Variants in MKI67 observed in about 807,000 individuals in gnomAD.
The protein encoded by MKI67 is marker of proliferation Ki-67.
Under a neutral mutation model 233.5 loss-of-function variants are expected in MKI67, and 152 were observed. The observed-to-expected ratio is 0.65, with a 90% confidence interval of 0.57 to 0.74. The LOEUF is 0.74. Among genes scored for constraint, MKI67 ranks in the 30% least tolerant of loss-of-function variants. MKI67 has a pLI of 0.00. For missense variants in MKI67, 3,940 were observed against 3,885.2 expected (o/e 1.01, Z -0.37); for synonymous variants, 1,465 against 1,418.5 (o/e 1.03, Z -0.74).
intron 8 of MKI67, 117 bp from the exon 9 acceptor site, chr10:128,112,562 G>C: frequency 4.1e-6 from 4 of 986,408 alleles, no homozygotes; most frequent in Non-Finnish European, 6.1e-6. Flanking sequence ...AGCATCAAAT[G>C]CTTAAGCCAC....
intron 8 of MKI67, among the ~76,000 whole-genome samples, chr10:128,113,191 G>C (rs1852720156): frequency 6.8e-6 from 1 of 147,676 alleles, no homozygotes; most frequent in African/African-American, 2.5e-5. Context: ...TGCACGAAAA[G>C]GACAACATCA....
intron 7 of MKI67, 80 bp from the exon 8 acceptor site, chr10:128,113,682 A>C: frequency 1.5e-6 from 2 of 1,319,610 alleles, no homozygotes; most frequent in South Asian, 2.5e-5. Context: ...TTAGCATTAA[A>C]GACAAACCAA....
In MKI67 at chr10:128,104,419, G is replaced by A; in HGVS notation, c.7421C>T (p.Thr2474Ile). ...GAGCCTTTGCTTGGAGCTTCTTGAG[G>A]TTTTGAATGACTCTGGCTGTGGAGA... ...CKSPQPESFK[T>I]SRSSKQRLKI... Residue 2474 changes from threonine to isoleucine, a missense_variant, in exon 13 of 15, where the codon ACC (threonine) becomes ATC (isoleucine). Thr to Ile is a moderately conservative substitution (Grantham distance 89). Coordinates refer to ENST00000368654, the MANE Select transcript of MKI67 (RefSeq NM_002417.5). The A allele has an allele frequency of 1.9e-6, 3 of 1,613,966 alleles. No homozygotes were observed. Among genetic ancestry groups the A allele is most frequent in the Non-Finnish European group, 2.5e-6 (3 of 1,180,004 alleles).
At chr10:128,111,894 A>G (rs376306131) in intron 10 of MKI67, 33 bp downstream of exon 10, 9 of 1,604,506 alleles carry the variant, frequency 5.6e-6, no homozygotes, top group East Asian at 4.5e-5. Context: ...TGACACCGGT[A>G]TGTGTAAAGC....
In MKI67 at chr10:128,104,642, T is replaced by C. The variant is rs142353330; in HGVS notation, c.7198A>G (p.Ile2400Val). Residue 2400 changes from isoleucine to valine, a missense_variant, in exon 13 of 15, where the codon ATC becomes GTC. By Grantham distance (29) the Ile-to-Val change is conservative. Coordinates refer to ENST00000368654, the MANE Select transcript of MKI67 (RefSeq NM_002417.5). ...ACTGGAGTTTCCACAAATGTGTTGA[T>C]ATTTTTCTCATCACTTACTGCTGGT... ...PKPAVSDEKN[I>V]NTFVETPVQK... is the part of the protein sequence containing the mutation. 8.1e-6 allele frequency: 13 copies of C among 1,613,898 alleles called. No individual in the cohort carries two copies. In the African/African-American group the frequency reaches 1.3e-4, roughly 17 times the overall value.
In MKI67 at chr10:128,106,237, TC is replaced by T; in HGVS notation, c.5602del (p.Asp1868ThrfsTer19). 1 of 1,614,140 alleles carries T rather than the reference TC, an allele frequency of 6.2e-7. No homozygotes were observed. The highest frequency in any genetic ancestry group is 1.1e-5 in the South Asian group (1 of 91,082). ...CCGTTGCTTTGTGTTTGTTGGGGTG[TC>T]CGCTGGGTCTGATTGCGGAGATTTG... Reference protein sequence around the residue: ...LCKSPQSDPADTPTNTKQRPK... With the variant: ...LCKSPQSDPAXTPTNTKQRPK... On this transcript the variant is annotated frameshift_variant, in exon 13 of 15. Transcript: ENST00000368654. LOFTEE classifies it high-confidence loss of function.
In MKI67 at chr10:128,101,533, T is replaced by C; in HGVS notation, c.9430A>G (p.Ile3144Val). ...TTCTCAGTGACTTTGTCTCTAGGTA[T>C]GGGTTTCCGGGCTCCATCATCTGGA... The part of the protein sequence containing the change: ...QNPDDGARKP[I>V]PRDKVTENKR... The change falls in exon 14 of 15, where the codon ATA becomes GTA. Residue 3144 changes from isoleucine to valine, a missense_variant. Coordinates refer to ENST00000368654, the MANE Select transcript of MKI67 (RefSeq NM_002417.5). 6.2e-7 allele frequency: 1 copy of C among 1,614,236 alleles called. No homozygotes were observed. The highest frequency in any genetic ancestry group is 8.5e-7 in the Non-Finnish European group (1 of 1,180,032).
At position 128,104,172 on chromosome 10, in the gene MKI67, T is replaced by C. The variant is rs747660761; in HGVS notation, c.7668A>G (p.Leu2556=). The C allele has an allele frequency of 2.5e-6, 4 of 1,614,004 alleles. No homozygotes were observed. The highest frequency in any genetic ancestry group is 2.2e-5 in the East Asian group (1 of 44,878). Residue 2556 remains leucine (L), a synonymous_variant, in exon 13 of 15, where the codon CTA becomes CTG. Coordinates refer to ENST00000368654, the MANE Select transcript of MKI67 (RefSeq NM_002417.5). ...LRTRKEKARA[L]EDLVDFKELF... is the part of the protein sequence containing the mutation. ...GCTCTTTGAAGTCAACCAGGTCTTC[T>C]AGAGCACGGGCCTTTTCCTTACGAG...
chr10:128,105,595 A>T lies in MKI67; in HGVS notation c.6245T>A (p.Leu2082His), dbSNP rs1291277836. ...CTCAGTGTGGTCTGGTGTCTGGAAG[A>T]GCTCTTTGAAGCCGGCCAGGTCTTC... is the stretch of plus-strand genomic sequence containing the variant. ...SLEDLAGFKE[L>H]FQTPDHTEES... is the part of the protein sequence containing the mutation. The change falls in exon 13 of 15, where the codon CTC (leucine) becomes CAC (histidine). Residue 2082 changes from leucine (L) to histidine (H), a missense_variant. Coordinates refer to ENST00000368654, the MANE Select transcript of MKI67 (RefSeq NM_002417.5). 1 of 1,613,872 alleles carries T rather than the reference A, an allele frequency of 6.2e-7. No homozygotes were observed. Among genetic ancestry groups the T allele is most frequent in the African/African-American group, 1.3e-5 (1 of 74,902 alleles).
At position 128,109,281 on chromosome 10, in the gene MKI67, A is replaced by C. The variant is rs754719580; in HGVS notation, c.2559T>G (p.Ser853=). Residue 853 remains serine (S), a synonymous_variant, in exon 13 of 15, where the codon TCT becomes TCG. Transcript: ENST00000368654. ...CAGTATCTGAAGTTTTTGTCTCCAG[A>C]GAAGTCATTTTGTAGGTGTTCCTGG... is the stretch of plus-strand genomic sequence containing the variant. ...KTPRNTYKMT[S]LETKTSDTET... 79 of 1,614,002 alleles carry C rather than the reference A, an allele frequency of 4.9e-5. No individual in the cohort carries two copies. The highest frequency in any genetic ancestry group is 1.6e-4 in the Middle Eastern group (1 of 6,084).
rs1392540121 is a variant in MKI67 at position 128,107,520 on chromosome 10, CT to C, written c.4319del (p.Gln1440ArgfsTer9). 1 of 1,614,092 alleles carries C rather than the reference CT, an allele frequency of 6.2e-7. No homozygotes were observed. The highest frequency in any genetic ancestry group is 2.2e-5 in the East Asian group (1 of 44,870). On this transcript the variant is annotated frameshift_variant, in exon 13 of 15. Coordinates refer to ENST00000368654, the MANE Select transcript of MKI67 (RefSeq NM_002417.5). LOFTEE classifies it high-confidence loss of function. The part of the protein sequence containing the change: ...SINAFRETAK[Q>X]KLDPAASVTG... Reference sequence around the variant, plus strand: ...TTACACTTGCTGCTGGGTCCAGTTTCTGTTTTGCAGTTTCCCTAAACGCGTT... The same window carrying C: ...TTACACTTGCTGCTGGGTCCAGTTTCGTTTTGCAGTTTCCCTAAACGCGTT...
Position 128,108,057 on chromosome 10 carries a change from G to A in MKI67, c.3783C>T (p.Thr1261=), listed in dbSNP as rs780732129. 8.7e-6 allele frequency: 14 copies of A among 1,612,580 alleles called. No homozygotes were observed. Among genetic ancestry groups the A allele is most frequent in the Non-Finnish European group, 1.0e-5 (12 of 1,179,732 alleles). Residue 1261 remains threonine (T), a synonymous_variant, in exon 13 of 15, where the codon ACC becomes ACT. Coordinates refer to ENST00000368654, the MANE Select transcript of MKI67 (RefSeq NM_002417.5). ...TGGGTCGTTGCTTTGTGCTTGTTGG[G>A]GTGTCCACTGGGTCTGACTGTGGAG... ...CDSPQSDPVD[T]PTSTKQRPKR...
At chr10:128,117,602 A>G (rs1477909966) in intron 5 of MKI67, among the ~76,000 whole-genome samples, 1 of 152,266 alleles carries the variant, frequency 6.6e-6, no homozygotes, top group Non-Finnish European at 1.5e-5. Flanking sequence ...TATCTAAAAA[A>G]TATTAACAAA....
Position 128,108,120 on chromosome 10 carries a change from TA to T in MKI67, c.3719del (p.Leu1240Ter), listed in dbSNP as rs1852564407. On this transcript the variant is annotated frameshift_variant, in exon 13 of 15. Transcript: ENST00000368654. LOFTEE classifies it high-confidence loss of function. ...LFQTPGHTEE[L>X]VAAGKTTKIP... is the part of the protein sequence containing the mutation. ...TTTTAGTGGTTTTACCAGCAGCCAC[TA>T]ATTCCTCGGTGTGACCAGGAGTCTG... is the stretch of plus-strand genomic sequence containing the variant. The T allele has an allele frequency of 6.2e-7, 1 of 1,613,174 alleles. No individual in the cohort carries two copies.
rs1420225380 is a variant in MKI67 at position 128,106,751 on chromosome 10, G to A, written c.5089C>T (p.Leu1697=). Residue 1697 remains leucine, a synonymous_variant, in exon 13 of 15, where the codon CTG becomes TTG. Coordinates refer to ENST00000368654, the MANE Select transcript of MKI67 (RefSeq NM_002417.5). The stretch of plus-strand genomic sequence containing the variant: ...TCAGACTTTCCCTTAGGAGTTCTCA[G>A]CTGCCTCTTGCTGCCAGTTAGACTT... ...AASLTGSKRQ[L]RTPKGKSEVP... is the part of the protein sequence containing the mutation. The A allele has an allele frequency of 6.8e-6, 11 of 1,613,994 alleles. No homozygotes were observed. The highest frequency in any genetic ancestry group is 9.3e-6 in the Non-Finnish European group (11 of 1,180,038).
Position 128,101,351 on chromosome 10 carries a change from C to G in MKI67, c.9612G>C (p.Lys3204Asn). Residue 3204 changes from lysine to asparagine, a missense_variant, in exon 14 of 15, where the codon AAG (lysine) becomes AAC (asparagine). Coordinates refer to ENST00000368654, the MANE Select transcript of MKI67 (RefSeq NM_002417.5). ...TGCTTGCTGCAGGCTGGCTTTTTGT[C>G]TTTCTTGATCTCAGGCACATGGAGT... ...NSDSMCLRSR[K>N]TKSQPAASTL... 1.9e-6 allele frequency: 3 copies of G among 1,614,188 alleles called. No homozygotes were observed. Among genetic ancestry groups the G allele is most frequent in the Non-Finnish European group, 2.5e-6 (3 of 1,180,024 alleles).
chr10:128,110,945 A>G (rs947297526), intron 11 of MKI67, among the ~76,000 whole-genome samples: 1 of 152,206 alleles, frequency 6.6e-6, no homozygotes, highest in Non-Finnish European at 1.5e-5. Context: ...TTTAAGTACA[A>G]ATAACACGTA....
Position 128,104,334 on chromosome 10 carries a change from T to C in MKI67, c.7506A>G (p.Thr2502=), listed in dbSNP as rs779660266. 1.8e-5 allele frequency: 29 copies of C among 1,614,234 alleles called. No homozygotes were observed. The Admixed American group carries it at 4.8e-4, about 27-fold the overall frequency. Residue 2502 remains threonine (T), a synonymous_variant, in exon 13 of 15, where the codon ACA becomes ACG. Transcript: ENST00000368654. ...KEEPLAVSKL[T]RTSGETTQTH... ...TTTGCGTAGTCTCCCCTGATGTCCG[T>C]GTGAGCTTGCTGACTGCTAGGGGCT...
chr10:128,114,849 C>G, intron 7 of MKI67, 79 bp downstream of exon 7: 4 of 1,347,452 alleles, frequency 3.0e-6, no homozygotes, highest in Non-Finnish European at 4.0e-6. Flanking sequence ...CTAATCACTA[C>G]TGAAAGAATG....
Sources: allele counts gnomAD v4.1 joint callset (sites outside exome capture counted in the v4.1 genomes callset), GRCh38; gene constraint gnomAD v4.1.1; transcripts MANE v1.5; gene names NCBI Gene and HGNC (gene_info 2026-07-23, HGNC 2026-07-21).